Variants in HCN2 observed in about 807,000 individuals in gnomAD.
HCN2 encodes hyperpolarization activated cyclic nucleotide gated potassium and sodium channel 2.
HCN2 carries 20 observed loss-of-function variants against 52.3 expected under a neutral mutation model. The ratio of observed to expected loss-of-function variants is 0.38; its 90% confidence interval spans 0.27 to 0.56. The LOEUF (loss-of-function observed/expected upper bound fraction) is 0.56, where lower values mean the gene tolerates loss of function less well. HCN2 is among the 20% of genes least tolerant of loss of function. The pLI is 0.71. For synonymous variants in HCN2, 694 were observed against 537.0 expected, an observed-to-expected ratio of 1.29 and a Z score of -4.04; for missense variants, 981 against 1,207.7, an observed-to-expected ratio of 0.81 and a Z score of 2.78.
chr19:615,332 ACC>A (rs911242457), intron 7 of HCN2, among the ~76,000 whole-genome samples: 3 of 151,300 alleles, frequency 2.0e-5, no homozygotes, highest in African/African-American at 4.9e-5. Context: ...ACATGGTGAA[ACC>A]CCGTCTCTAC....
chr19:593,939 G>C (rs1279670324), intron 1 of HCN2, among the ~76,000 whole-genome samples: 2 of 152,142 alleles, frequency 1.3e-5, no homozygotes, highest in African/African-American at 2.4e-5. Flanking sequence ...AGCAAAATTA[G>C]GTCAAAAATA....
rs758268453 is a variant in HCN2, at chr19:615,948, C to T, written c.2144C>T (p.Pro715Leu). The change falls in exon 8 of 8, where the codon CCG becomes CTG. Residue 715 changes from proline (P) to leucine (L), a missense_variant. By Grantham distance (98) the Pro-to-Leu change is moderately conservative. Coordinates refer to ENST00000251287, the MANE Select transcript of HCN2 (RefSeq NM_001194.4). ...AELGQRVGLF[P>L]PPPPPPQVTS... ...CTGGGTCAGCGCGTGGGCCTCTTCC[C>T]GCCGCCGCCGCCGCCGCCGCAGGTC... 1.1e-5 allele frequency: 17 copies of T among 1,489,110 alleles called. No homozygotes were observed. The highest frequency in any genetic ancestry group is 1.5e-5 in the Non-Finnish European group (16 of 1,103,284). 92.2% of individuals were successfully genotyped at this position (1,489,110 alleles called of 1,614,324 possible). A position where few individuals can be genotyped will look rare whatever the true frequency, so the allele number is the denominator to read the frequency against.
Position 604,939 on chromosome 19 carries a change from C to T in HCN2, c.1057-122C>T, listed in dbSNP as rs1437864217. On this transcript the variant is annotated intron_variant, in intron 2 of 7. Coordinates refer to ENST00000251287, the MANE Select transcript of HCN2 (RefSeq NM_001194.4). ...TGCAGGGTGGGGCGGGGGTCCTGTG[C>T]GGGGCCTTGGATTTGGGGGAGGGGG... 34 of 983,002 alleles carry T rather than the reference C, an allele frequency of 3.5e-5. 1 individual carries two copies. Among genetic ancestry groups the T allele is most frequent in the African/African-American group, 1.6e-4 (6 of 37,484 alleles). The allele number at this position is 983,002 out of a possible 1,614,324, so 60.9% of individuals were successfully genotyped here. A position where few individuals can be genotyped will look rare whatever the true frequency, so the allele number is the denominator to read the frequency against.
intron 4 of HCN2, among the ~76,000 whole-genome samples, chr19:609,593 T>A (rs1983537733): frequency 2.0e-5 from 3 of 152,168 alleles, no homozygotes; most frequent in African/African-American, 7.2e-5. Flanking sequence ...CGGCGAGACC[T>A]CATCGCTACA....
At chr19:607,368 G>T (rs907934607) in intron 3 of HCN2, among the ~76,000 whole-genome samples, 18 of 152,222 alleles carry the variant, frequency 1.2e-4, no homozygotes, top group African/African-American at 4.3e-4. Flanking sequence ...GATGTGTTTG[G>T]TTTGGACACA....
At chr19:596,903 G>C (rs1288136161) in intron 1 of HCN2, among the ~76,000 whole-genome samples, 1 of 121,432 alleles carries the variant, frequency 8.2e-6, no homozygotes, top group Non-Finnish European at 1.9e-5. Context: ...GAGAGGGTTG[G>C]GGTGGAGAGG....
chr19:609,868 C>G (rs1011395873), intron 4 of HCN2, among the ~76,000 whole-genome samples: 1 of 152,186 alleles, frequency 6.6e-6, no homozygotes, highest in Admixed American at 6.5e-5. Context: ...CCACTGCACT[C>G]CAGCGTGGGC....
chr19:600,620 C>G (rs1160021550), intron 1 of HCN2, among the ~76,000 whole-genome samples: 1 of 152,052 alleles, frequency 6.6e-6, no homozygotes, highest in Non-Finnish European at 1.5e-5. Context: ...GCTGGGATTA[C>G]AGACGTGAGC....
At chr19:604,669 C>T (rs987820988) in intron 2 of HCN2, among the ~76,000 whole-genome samples, 5 of 12,028 alleles carry the variant, frequency 4.2e-4, no homozygotes, top group South Asian at 2.0e-3. Flanking sequence ...TTGTGCTGGG[C>T]GGGGTCAGGC....
At position 616,152 on chromosome 19, in the gene HCN2, C is replaced by G; in HGVS notation, c.2348C>G (p.Ala783Gly). The G allele has an allele frequency of 4.2e-6, 4 of 959,484 alleles. No individual in the cohort carries two copies. The highest frequency in any genetic ancestry group is 4.9e-6 in the Non-Finnish European group (4 of 810,280). 59.4% of individuals were successfully genotyped at this position (959,484 alleles called of 1,614,324 possible). A position where few individuals can be genotyped will look rare whatever the true frequency, so the allele number is the denominator to read the frequency against. The change falls in exon 8 of 8, where the codon GCG (alanine) becomes GGG (glycine). Residue 783 changes from alanine (A) to glycine (G), a missense_variant. Transcript: ENST00000251287. ...GPPPPASPPG[A>G]PASPRAPRTS... The stretch of plus-strand genomic sequence containing the variant: ...CCGCCCCCCGCCAGCCCCCCGGGCG[C>G]GCCCGCCAGCCCCCGGGCACCGCGG...
rs950691169 is a variant in HCN2, at chr19:616,357, G to A, written c.2553G>A (p.Thr851=). Residue 851 remains threonine, a synonymous_variant, in exon 8 of 8, where the codon ACG becomes ACA. Transcript: ENST00000251287. ...GCTCCACACCGCGCTTGGGGCCCACGCCCGCTGCCCGGGCCGCCGCGCCCA... is the reference window on the plus strand; with the variant it reads ...GCTCCACACCGCGCTTGGGGCCCACACCCGCTGCCCGGGCCGCCGCGCCCA... ...ASSSTPRLGP[T]PAARAAAPSP... 1.2e-5 allele frequency: 14 copies of A among 1,213,136 alleles called. No homozygotes were observed. The highest frequency in any genetic ancestry group is 2.2e-5 in the South Asian group (1 of 46,122). 75.1% of individuals were successfully genotyped at this position (1,213,136 alleles called of 1,614,324 possible).
intron 2 of HCN2, among the ~76,000 whole-genome samples, chr19:604,360 A>G (rs1257919890): frequency 8.9e-6 from 1 of 112,552 alleles, no homozygotes; most frequent in East Asian, 2.8e-4. Context: ...GCAGGGGTGG[A>G]GCTACAATGG....
chr19:617,005 G>C lies in HCN2; in HGVS notation c.*531G>C. On this transcript the variant is annotated 3_prime_UTR_variant, in exon 8 of 8. Transcript: ENST00000251287. ...CTCCAGCACTGGCACCGAGAGGCAG[G>C]CCTGGCTGCGCAGGGCGCGGGGGGG... 1 of 493,762 alleles carries C rather than the reference G, an allele frequency of 2.0e-6. No individual in the cohort carries two copies. The highest frequency in any genetic ancestry group is 3.7e-6 in the Non-Finnish European group (1 of 268,220). The allele number at this position is 493,762 out of a possible 1,614,324, so 30.6% of individuals were successfully genotyped here.
chr19:605,189 G>C lies in HCN2; in HGVS notation c.1185G>C (p.Pro395=), dbSNP rs139997813. The C allele has an allele frequency of 3.3e-4, 531 of 1,610,934 alleles. 1 individual carries two copies. The highest frequency in any genetic ancestry group is 4.0e-4 in the Non-Finnish European group (468 of 1,179,546). ...TGGTGCCTATGCTGCAGGACTTCCC[G>C]CGCAACTGCTGGGTGTCCATCAATG... ...QFLVPMLQDF[P]RNCWVSINGM... is the part of the protein sequence containing the mutation. Residue 395 remains proline, a synonymous_variant, in exon 3 of 8, where the codon CCG becomes CCC. Coordinates refer to ENST00000251287, the MANE Select transcript of HCN2 (RefSeq NM_001194.4).
At chr19:612,427 T>TGTGTGTGTGTGTGTGTGTGTGGGA in intron 5 of HCN2, among the ~76,000 whole-genome samples, 2 of 142,256 alleles carry the variant, frequency 1.4e-5, no homozygotes, top group Non-Finnish European at 3.1e-5. Flanking sequence ...TGTGTGTGTG[T>TGTGTGTGTGTGTGTGTGTGTGGGA]GAGAGAGAGA....
chr19:605,356 G>A, intron 3 of HCN2, 134 bp downstream of exon 3: 1 of 574,760 alleles, frequency 1.7e-6, no homozygotes. Context: ...CCCCCTTATG[G>A]AGGGGAGGAC....
At chr19:612,427 T>TGTGTGTGTGAGAGAGAGAGA in intron 5 of HCN2, among the ~76,000 whole-genome samples, 5 of 142,360 alleles carry the variant, frequency 3.5e-5, no homozygotes, top group African/African-American at 1.3e-4. Context: ...TGTGTGTGTG[T>TGTGTGTGTGAGAGAGAGAGA]GAGAGAGAGA....
chr19:605,093 G>T lies in HCN2; in HGVS notation c.1089G>T (p.Ala363=), dbSNP rs55839339. The change falls in exon 3 of 8, where the codon GCG becomes GCT. Residue 363 remains alanine, a synonymous_variant. Transcript: ENST00000251287. ...IFHMTYDLAS[A]VMRICNLISM... ...ACATGACCTATGACCTGGCCAGCGCGGTGATGAGGATCTGCAATCTCATCA... is the reference window on the plus strand; with the variant it reads ...ACATGACCTATGACCTGGCCAGCGCTGTGATGAGGATCTGCAATCTCATCA... 1.1e-5 allele frequency: 18 copies of T among 1,611,860 alleles called. No individual in the cohort carries two copies. Among genetic ancestry groups the T allele is most frequent in the South Asian group, 7.7e-5 (7 of 91,048 alleles).
chr19:594,317 G>A (rs1214893181), intron 1 of HCN2, among the ~76,000 whole-genome samples: 2 of 152,186 alleles, frequency 1.3e-5, no homozygotes, highest in Non-Finnish European at 2.9e-5. Context: ...GGCAGGTGTC[G>A]GGTGGAGAGA....
Sources: gnomAD v4.1 joint callset for allele counts (sites outside exome capture counted in the v4.1 genomes callset) on GRCh38, gnomAD v4.1.1 for gene constraint, MANE v1.5 for transcripts, NCBI Gene and HGNC (gene_info 2026-07-23, HGNC 2026-07-21) for gene names.